Variants in CNIH4 observed in about 807,000 individuals in gnomAD.
The protein encoded by CNIH4 is cornichon family member 4.
CNIH4 carries 9 observed loss-of-function variants against 21.5 expected under a neutral mutation model. The ratio of observed to expected loss-of-function variants is 0.42; its 90% CI spans 0.25 to 0.73. CNIH4 has a LOEUF of 0.73. CNIH4 is among the 30% of genes least tolerant of loss of function. The pLI, the probability that CNIH4 is intolerant of heterozygous loss-of-function variation, is 0.27. For synonymous variants in CNIH4, 67 were observed against 59.1 expected (o/e 1.13, Z -0.61); for missense variants, 159 against 170.0 (o/e 0.94, Z 0.36).
chr1:224,376,424 G>C lies in CNIH4; in HGVS notation c.*602G>C. 2.0e-6 allele frequency: 2 copies of C among 985,272 alleles called. No homozygotes were observed. Among genetic ancestry groups the C allele is most frequent in the Non-Finnish European group, 2.4e-6 (2 of 829,894 alleles). The allele number at this position is 985,272 out of a possible 1,614,324, so 61.0% of individuals were successfully genotyped here. A position where few individuals can be genotyped will look rare whatever the true frequency, so the allele number is the denominator to read the frequency against. On this transcript the variant is annotated 3_prime_UTR_variant, in exon 5 of 5. Coordinates refer to ENST00000465271, the MANE Select transcript of CNIH4 (RefSeq NM_014184.4). ...AGCCATTTTCCCCAGGTACAATGTA[G>C]TTCCTGCTGATAGAAAGGAAATATT...
intron 4 of CNIH4, among the ~76,000 whole-genome samples, chr1:224,374,003 C>A (rs952441284): frequency 1.3e-5 from 2 of 152,204 alleles, no homozygotes; most frequent in Non-Finnish European, 2.9e-5. Context: ...TTTCTCTCTT[C>A]CCTTCCTTTC....
chr1:224,360,450 A>G, intron 1 of CNIH4, 45 bp from the exon 2 acceptor site: 1 of 966,162 alleles, frequency 1.0e-6, no homozygotes, highest in Non-Finnish European at 1.5e-6. Context: ...TTAAATACTT[A>G]GTTATTATAA....
intron 1 of CNIH4, among the ~76,000 whole-genome samples, chr1:224,358,834 TTACATTAAAA>T (rs1355632877): frequency 6.6e-6 from 1 of 152,214 alleles, no homozygotes; most frequent in Non-Finnish European, 1.5e-5. Context: ...GACTTAGACA[TTACATTAAAA>T]TACATTCGGG....
At chr1:224,364,918 C>CG (rs760193571) in intron 2 of CNIH4, among the ~76,000 whole-genome samples, 72 of 141,876 alleles carry the variant, frequency 5.1e-4, no homozygotes, top group Non-Finnish European at 9.8e-4. Flanking sequence ...GGCGACAGAG[C>CG]GAAAAAAAAA....
Position 224,375,855 on chromosome 1 carries a change from A to G in CNIH4, c.*33A>G. ...GAAGCCGTGGTTGAAGTCAGCCTAC[A>G]CTACAGTGCACAGTTGAGGAGCCAG... On this transcript the variant is annotated 3_prime_UTR_variant, in exon 5 of 5. Coordinates refer to ENST00000465271, the MANE Select transcript of CNIH4 (RefSeq NM_014184.4). 1 of 1,613,578 alleles carries G rather than the reference A, an allele frequency of 6.2e-7. No homozygotes were observed. The highest frequency in any genetic ancestry group is 8.5e-7 in the Non-Finnish European group (1 of 1,179,696).
At chr1:224,370,498 A>G (rs1330100637) in intron 3 of CNIH4, among the ~76,000 whole-genome samples, 1 of 152,204 alleles carries the variant, frequency 6.6e-6, no homozygotes, top group African/African-American at 2.4e-5. Flanking sequence ...TGTTACACAG[A>G]TGACACAGTC....
chr1:224,370,970 G>A (rs763535963), intron 3 of CNIH4, among the ~76,000 whole-genome samples: 2 of 150,520 alleles, frequency 1.3e-5, no homozygotes, highest in Non-Finnish European at 2.9e-5. Flanking sequence ...TCTGCCTTCC[G>A]GGTTCAGGTG....
intron 4 of CNIH4, among the ~76,000 whole-genome samples, chr1:224,374,395 C>CT (rs1055971007): frequency 2.7e-5 from 4 of 150,822 alleles, no homozygotes; most frequent in African/African-American, 9.7e-5. Flanking sequence ...ACACTGTGGC[C>CT]TGGGGCAAGT....
At chr1:224,375,673 G>A (rs1054075758) in intron 4 of CNIH4, 122 bp from the exon 5 acceptor site, 8 of 1,061,562 alleles carry the variant, frequency 7.5e-6, no homozygotes, top group Non-Finnish European at 1.1e-5. Context: ...GGGTATGAAT[G>A]ATTGTCTTTT....
chr1:224,370,488 T>C (rs1672591467), intron 3 of CNIH4, among the ~76,000 whole-genome samples: 1 of 152,208 alleles, frequency 6.6e-6, no homozygotes, highest in Non-Finnish European at 1.5e-5. Flanking sequence ...AGGACATATA[T>C]GTTACACAGA....
At chr1:224,366,073 ACT>A (rs1447176300) in intron 3 of CNIH4, 82 bp downstream of exon 3, 9 of 868,304 alleles carry the variant, frequency 1.0e-5, no homozygotes, top group Non-Finnish European at 1.8e-5. Context: ...ACAGGATCTT[ACT>A]CTGTTACCCA....
chr1:224,375,044 A>G (rs972266709), intron 4 of CNIH4, among the ~76,000 whole-genome samples: 2 of 152,184 alleles, frequency 1.3e-5, no homozygotes, highest in African/African-American at 4.8e-5. Context: ...AACTGTGTCA[A>G]TTTTAGTGGC....
chr1:224,373,864 C>T (rs1210308171), intron 4 of CNIH4, among the ~76,000 whole-genome samples: 1 of 151,992 alleles, frequency 6.6e-6, no homozygotes, highest in East Asian at 1.9e-4. Flanking sequence ...GGGAGTTGGA[C>T]TGGAGGAATT....
At chr1:224,360,178 C>G (rs1052527071) in intron 1 of CNIH4, among the ~76,000 whole-genome samples, 17 of 151,964 alleles carry the variant, frequency 1.1e-4, no homozygotes, top group Admixed American at 7.9e-4. Context: ...AGGCGATCCT[C>G]CTGCCTCAGC....
At position 224,377,745 on chromosome 1, in the gene CNIH4, G is replaced by C. The variant is rs755115828; in HGVS notation, c.*1923G>C. ...TCTGCCTGCCTTGGTCTCCCAAAGT[G>C]CTGGGATTATAGGTGTGAGCCACTG... On this transcript the variant is annotated 3_prime_UTR_variant, in exon 5 of 5. Coordinates refer to ENST00000465271, the MANE Select transcript of CNIH4 (RefSeq NM_014184.4). The C allele has an allele frequency of 5.3e-5, 8 of 152,306 alleles. No homozygotes were observed. The highest frequency in any genetic ancestry group is 1.0e-4 in the Non-Finnish European group (7 of 68,160). 9.4% of individuals were successfully genotyped at this position (152,306 alleles called of 1,614,324 possible).
At chr1:224,364,779 C>A (rs1288001002) in intron 2 of CNIH4, among the ~76,000 whole-genome samples, 1 of 151,956 alleles carries the variant, frequency 6.6e-6, no homozygotes, top group Admixed American at 6.6e-5. Context: ...CTAAAAAATA[C>A]AAAAATTAGC....
In CNIH4 at chr1:224,376,061, C is replaced by A. The variant is rs1459895033; in HGVS notation, c.*239C>A. ...GCCAACACTTGAAGGTGTTTTTCAT[C>A]CTCTGTATGTTGAAGGTGGTTATTT... On this transcript the variant is annotated 3_prime_UTR_variant, in exon 5 of 5. Transcript: ENST00000465271. The A allele has an allele frequency of 4.9e-6, 6 of 1,223,204 alleles. No homozygotes were observed. The African/African-American group carries it at 6.2e-5, about 13-fold the overall frequency. The allele number at this position is 1,223,204 out of a possible 1,614,324, so 75.8% of individuals were successfully genotyped here.
chr1:224,371,276 T>A lies in CNIH4; in HGVS notation c.252-7T>A. 6.2e-7 allele frequency: 1 copy of A among 1,610,178 alleles called. No individual in the cohort carries two copies. The highest frequency in any genetic ancestry group is 8.5e-7 in the Non-Finnish European group (1 of 1,178,704). ...CCTTCTAATGTGTGTATCCTTTAAT[T>A]TATCAGATACATTATGGTGCCGAGT... is the stretch of plus-strand genomic sequence containing the variant. On this transcript the variant is annotated splice_region_variant and splice_polypyrimidine_tract_variant and intron_variant, in intron 3 of 4. Coordinates refer to ENST00000465271, the MANE Select transcript of CNIH4 (RefSeq NM_014184.4).
At chr1:224,361,966 G>T (rs1206251017) in intron 2 of CNIH4, among the ~76,000 whole-genome samples, 1 of 152,088 alleles carries the variant, frequency 6.6e-6, no homozygotes, top group East Asian at 1.9e-4. Flanking sequence ...CTTTACACTT[G>T]ATTCATAGTT....
Sources: gnomAD v4.1 joint callset for allele counts (sites outside exome capture counted in the v4.1 genomes callset) on GRCh38, gnomAD v4.1.1 for gene constraint, MANE v1.5 for transcripts, NCBI Gene and HGNC (gene_info 2026-07-23, HGNC 2026-07-21) for gene names.